THADA: variants seen among roughly 807,000 people sequenced by gnomAD.
The protein encoded by THADA is THADA armadillo repeat containing.
A neutral mutation model predicts 219.8 loss-of-function variants in THADA; 213 were observed. That is an observed-to-expected ratio of 0.97 (90% CI 0.87 to 1.09). The LOEUF (loss-of-function observed/expected upper bound fraction) is 1.09, where lower values mean the gene tolerates loss of function less well. THADA is among the 50% of genes least tolerant of loss of function. THADA has a pLI of 0.00. For synonymous variants in THADA, 1,018 were observed against 828.9 expected, an observed-to-expected ratio of 1.23 and a Z score of -3.92; for missense variants, 2,956 against 2,311.3, an observed-to-expected ratio of 1.28 and a Z score of -5.72.
chr2:43,431,090 G>C (rs1193461650), intron 26 of THADA, among the ~76,000 whole-genome samples: 1 of 152,118 alleles, frequency 6.6e-6, no homozygotes, highest in African/African-American at 2.4e-5. Context: ...ATGGCATTTA[G>C]GAACAAACTG....
rs1163641302 is a variant in THADA at position 43,514,653 on chromosome 2, TATTG to T, written c.3375-5877_3375-5874del. On this transcript the variant is annotated intron_variant, in intron 22 of 37. Transcript: ENST00000405975. ...ATGTATATTTTATATATAATATATA[TATTG>T]TATATAATAATATATAATATATTAT... is the stretch of plus-strand genomic sequence containing the variant. Among the ~76,000 whole-genome samples the T allele has an allele frequency of 2.8e-3, 258 of 93,202 alleles. 44 individuals carry two copies. The highest frequency in any genetic ancestry group is 9.1e-3 in the African/African-American group (185 of 20,408). 61.1% of individuals were successfully genotyped at this position (93,202 alleles called of 152,430 possible). A position where few individuals can be genotyped will look rare whatever the true frequency, so the allele number is the denominator to read the frequency against.
chr2:43,579,486 A>C (rs1700189837), intron 8 of THADA, among the ~76,000 whole-genome samples: 1 of 152,220 alleles, frequency 6.6e-6, no homozygotes, highest in Non-Finnish European at 1.5e-5. Context: ...TGGGGAAAGA[A>C]GTAACACTTC....
Position 43,471,879 on chromosome 2 carries a change from T to C in THADA, c.3836+13355A>G, listed in dbSNP as rs542492868. ...ACACTGTATGCTCCCTAAGAATAAG[T>C]TGCTAATGCCTGCACTAAGTCTGGC... On this transcript the variant is annotated intron_variant, in intron 26 of 37. Coordinates refer to ENST00000405975, the MANE Select transcript of THADA (RefSeq NM_022065.5). 1.1e-4 allele frequency among the ~76,000 whole-genome samples: 17 copies of C among 152,350 alleles called. No homozygotes were observed. In the East Asian group the frequency reaches 2.9e-3, roughly 26 times the overall value.
At chr2:43,585,009 A>T (rs1055395882) in intron 7 of THADA, among the ~76,000 whole-genome samples, 1 of 152,192 alleles carries the variant, frequency 6.6e-6, no homozygotes, top group African/African-American at 2.4e-5. Context: ...CAGCAACCAG[A>T]ATATTAAGAC....
intron 25 of THADA, among the ~76,000 whole-genome samples, chr2:43,488,136 A>G (rs541084887): frequency 6.6e-6 from 1 of 152,302 alleles, no homozygotes; most frequent in East Asian, 1.9e-4. Flanking sequence ...CCAACCTCCA[A>G]AGGTGACTGC....
At chr2:43,291,454 C>CAAAAAAAAAAAAAAAAAAAAAA (rs765352765) in intron 34 of THADA, among the ~76,000 whole-genome samples, 22 of 8,090 alleles carry the variant, frequency 2.7e-3, no homozygotes, top group Non-Finnish European at 3.8e-3. Context: ...AACTCCATCT[C>CAAAAAAAAAAAAAAAAAAAAAA]AAAAAAAAAA....
chr2:43,264,473 C>T (rs1321152009), intron 36 of THADA, among the ~76,000 whole-genome samples: 3 of 151,774 alleles, frequency 2.0e-5, no homozygotes, highest in Admixed American at 6.6e-5. Flanking sequence ...TTAGTAGAGA[C>T]GGGGTTTCTC....
chr2:43,505,659 G>C lies in THADA; in HGVS notation c.3584C>G (p.Ala1195Gly). 6.3e-7 allele frequency: 1 copy of C among 1,597,302 alleles called. No homozygotes were observed. The highest frequency in any genetic ancestry group is 1.3e-5 in the African/African-American group (1 of 74,890). The part of the protein sequence containing the change: ...KITMKELISL[A>G]GPTDDIQSTV... Reference sequence around the variant, plus strand: ...ACTCTGTATGTCATCTGTAGGCCCAGCCAAAGAGATTAACTCTTTCATTGT... The same window carrying C: ...ACTCTGTATGTCATCTGTAGGCCCACCCAAAGAGATTAACTCTTTCATTGT... The change falls in exon 24 of 38, where the codon GCT becomes GGT. Residue 1195 changes from alanine to glycine, a missense_variant. Physicochemically the swap from Ala to Gly is moderately conservative, Grantham distance 60 (BLOSUM62 0). Coordinates refer to ENST00000405975, the MANE Select transcript of THADA (RefSeq NM_022065.5).
chr2:43,536,196 G>A (rs988773322), intron 21 of THADA, among the ~76,000 whole-genome samples: 10 of 152,084 alleles, frequency 6.6e-5, no homozygotes, highest in African/African-American at 9.7e-5. Context: ...TCCCAGCACC[G>A]TTTATTGGAC....
chr2:43,509,638 T>C (rs1244318300), intron 22 of THADA, among the ~76,000 whole-genome samples: 2 of 152,156 alleles, frequency 1.3e-5, no homozygotes, highest in Admixed American at 6.5e-5. Flanking sequence ...CTTAGGAACA[T>C]TGGGATTTTT....
At chr2:43,473,614 T>C (rs1257870689) in intron 26 of THADA, among the ~76,000 whole-genome samples, 1 of 152,130 alleles carries the variant, frequency 6.6e-6, no homozygotes, top group Non-Finnish European at 1.5e-5. Context: ...TCGTACATGT[T>C]AGGCTTTTTT....
chr2:43,592,246 G>A, intron 2 of THADA, 71 bp downstream of exon 2: 1 of 1,132,638 alleles, frequency 8.8e-7, no homozygotes, highest in South Asian at 1.5e-5. Context: ...TATGCTAGGG[G>A]TCCCAGTCAT....
In THADA at chr2:43,293,135, G is replaced by T; in HGVS notation, c.4517C>A (p.Ala1506Asp). The T allele has an allele frequency of 6.2e-7, 1 of 1,613,970 alleles. No individual in the cohort carries two copies. The highest frequency in any genetic ancestry group is 1.1e-5 in the South Asian group (1 of 91,084). ...CTGGGGCAGGCCTGGCACCTTGAAG[G>T]CCCAAGGGAATCCCGTTATCAGCTC... Reference protein sequence around the residue: ...GSELITGFPWAFKVPGLPQYL... With the variant: ...GSELITGFPWDFKVPGLPQYL... Residue 1506 changes from alanine (A) to aspartate (D), a missense_variant, in exon 32 of 38, where the codon GCC becomes GAC. Physicochemically the swap from Ala to Asp is moderately radical, Grantham distance 126. Coordinates refer to ENST00000405975, the MANE Select transcript of THADA (RefSeq NM_022065.5).
chr2:43,248,464 T>C (rs1441924050), intron 36 of THADA, among the ~76,000 whole-genome samples: 2 of 152,046 alleles, frequency 1.3e-5, no homozygotes. Context: ...ACTCCTGACC[T>C]CAGGAGATCT....
intron 26 of THADA, among the ~76,000 whole-genome samples, chr2:43,455,280 T>C (rs1682846715): frequency 6.6e-6 from 1 of 152,232 alleles, no homozygotes; most frequent in African/African-American, 2.4e-5. Context: ...CACAGATTGC[T>C]CTTAATTTCA....
At position 43,428,137 on chromosome 2, in the gene THADA, CAGA is replaced by C. The variant is rs200282553; in HGVS notation, c.4018_4020del (p.Ser1340del). ...GGAACAAAAGGTCCCATGCTGAGAG[CAGA>C]AGAAGTACCATCCATCGGGGAAGCG... On this transcript the variant is annotated inframe_deletion, in exon 28 of 38. Coordinates refer to ENST00000405975, the MANE Select transcript of THADA (RefSeq NM_022065.5). 0.015 allele frequency: 24,384 copies of C among 1,610,792 alleles called. 246 individuals are homozygous for C. Among genetic ancestry groups the C allele is most frequent in the Non-Finnish European group, 0.017 (19,862 of 1,178,094 alleles).
chr2:43,542,481 G>A (rs534155615), intron 20 of THADA, among the ~76,000 whole-genome samples: 2 of 152,240 alleles, frequency 1.3e-5, no homozygotes, highest in South Asian at 4.1e-4. Context: ...AGTGGAGAAT[G>A]TAGAATATGT....
intron 28 of THADA, among the ~76,000 whole-genome samples, chr2:43,400,457 T>TATATATATATATATATATATA (rs1674666200): frequency 1.1e-5 from 1 of 89,900 alleles, no homozygotes; most frequent in South Asian, 4.1e-4. Flanking sequence ...ATAGACAAAT[T>TATATATATATATATATATATA]TATATATATA....
chr2:43,459,115 T>C (rs1683341116), intron 26 of THADA, among the ~76,000 whole-genome samples: 1 of 152,138 alleles, frequency 6.6e-6, no homozygotes, highest in Non-Finnish European at 1.5e-5. Context: ...GCAAATCCTG[T>C]TATACCTGTG....
Sources: gnomAD v4.1 joint callset for allele counts (sites outside exome capture counted in the v4.1 genomes callset) on GRCh38, gnomAD v4.1.1 for gene constraint, MANE v1.5 for transcripts, NCBI Gene and HGNC (gene_info 2026-07-23, HGNC 2026-07-21) for gene names.